The following FRMD4A variants were observed in gnomAD, a reference collection of about 807,000 sequenced individuals.
The protein encoded by FRMD4A is FERM domain containing 4A.
FRMD4A carries 29 observed loss-of-function variants against 129.1 expected under a neutral mutation model. That is an observed-to-expected ratio of 0.22 (90% confidence interval 0.17 to 0.31). The LOEUF is 0.31. Among genes scored for constraint, FRMD4A ranks in the 10% least tolerant of loss-of-function variants. The pLI, the probability that FRMD4A is intolerant of heterozygous loss-of-function variation, is 1.00. For missense variants in FRMD4A, 1,272 were observed against 1,375.8 expected, an observed-to-expected ratio of 0.92 and a Z score of 1.19; for synonymous variants, 634 against 571.6, an observed-to-expected ratio of 1.11 and a Z score of -1.56.
At chr10:13,724,996 A>G (rs1169797631) in intron 12 of FRMD4A, among the ~76,000 whole-genome samples, 1 of 152,190 alleles carries the variant, frequency 6.6e-6, no homozygotes, top group East Asian at 1.9e-4. Flanking sequence ...GGGGTTACCT[A>G]CTTAGAAACT....
intron 2 of FRMD4A, among the ~76,000 whole-genome samples, chr10:13,958,110 T>C (rs2095420914): frequency 6.6e-6 from 1 of 152,078 alleles, no homozygotes; most frequent in African/African-American, 2.4e-5. Context: ...TAGTTATCTC[T>C]TTCCTACTTA....
intron 2 of FRMD4A, chr10:14,326,780 C>A: frequency 2.5e-6 from 1 of 398,508 alleles, no homozygotes; most frequent in South Asian, 1.3e-4. Flanking sequence ...GACACGTAGC[C>A]AAGAGCTTCC....
At chr10:14,311,823 G>A (rs1373387838) in intron 2 of FRMD4A, among the ~76,000 whole-genome samples, 1 of 152,066 alleles carries the variant, frequency 6.6e-6, no homozygotes, top group Non-Finnish European at 1.5e-5. Context: ...AAACTATGTA[G>A]TTGAGCACTT....
chr10:13,924,506 G>A (rs1219459191), intron 2 of FRMD4A, among the ~76,000 whole-genome samples: 1 of 151,540 alleles, frequency 6.6e-6, no homozygotes, highest in African/African-American at 2.4e-5. Context: ...CCCCCAGATA[G>A]CATCTCTTGC....
intron 2 of FRMD4A, among the ~76,000 whole-genome samples, chr10:13,952,051 T>A (rs1287521167): frequency 1.3e-5 from 2 of 151,074 alleles, no homozygotes; most frequent in Non-Finnish European, 3.0e-5. Context: ...AAGGGGCTTG[T>A]TTCAGAGCCA....
intron 2 of FRMD4A, 65 bp downstream of exon 2, chr10:14,329,993 G>T: frequency 6.9e-7 from 1 of 1,446,922 alleles, no homozygotes; most frequent in Non-Finnish European, 9.5e-7. Context: ...GGCAGCAGCA[G>T]CCCACGGTGC....
At chr10:14,223,903 T>G (rs940754189) in intron 2 of FRMD4A, among the ~76,000 whole-genome samples, 1 of 152,116 alleles carries the variant, frequency 6.6e-6, no homozygotes, top group East Asian at 1.9e-4. Context: ...GATACTCCAT[T>G]TCTCTACCCT....
chr10:13,877,205 G>A (rs918411669), intron 2 of FRMD4A, among the ~76,000 whole-genome samples: 4 of 152,156 alleles, frequency 2.6e-5, no homozygotes, highest in African/African-American at 4.8e-5. Flanking sequence ...GTCTTTGGTG[G>A]CTCTTGACAT....
At chr10:14,296,953 A>G (rs1029540000) in intron 2 of FRMD4A, among the ~76,000 whole-genome samples, 2 of 152,190 alleles carry the variant, frequency 1.3e-5, no homozygotes, top group East Asian at 3.9e-4. Flanking sequence ...AGTAAATCAC[A>G]GAACTCTCCG....
intron 2 of FRMD4A, among the ~76,000 whole-genome samples, chr10:14,162,268 C>T (rs553478122): frequency 7.3e-4 from 111 of 152,250 alleles, no homozygotes; most frequent in Non-Finnish European, 1.4e-3. Flanking sequence ...TTCATTGGCC[C>T]CACCCAAGAA....
chr10:14,178,031 C>T (rs1003182994), intron 2 of FRMD4A, among the ~76,000 whole-genome samples: 1 of 152,164 alleles, frequency 6.6e-6, no homozygotes, highest in African/African-American at 2.4e-5. Flanking sequence ...TGATTTCATG[C>T]AGTAGTTCAC....
At chr10:13,840,703 G>T (rs190840262) in intron 3 of FRMD4A, among the ~76,000 whole-genome samples, 2 of 147,310 alleles carry the variant, frequency 1.4e-5, no homozygotes, top group East Asian at 4.0e-4. Flanking sequence ...CATGAGAATC[G>T]CTTGAACCCA....
chr10:14,220,615 G>A (rs1282566682), intron 2 of FRMD4A, among the ~76,000 whole-genome samples: 4 of 152,194 alleles, frequency 2.6e-5, no homozygotes, highest in African/African-American at 9.6e-5. Context: ...TATCTTGAAA[G>A]CTTTCTGATT....
At chr10:14,146,444 T>C (rs199602115) in intron 2 of FRMD4A, among the ~76,000 whole-genome samples, 1 of 152,212 alleles carries the variant, frequency 6.6e-6, no homozygotes, top group Non-Finnish European at 1.5e-5. Flanking sequence ...CATGACTTAA[T>C]GCACTACACA....
At chr10:14,075,786 A>G (rs1564265908) in intron 2 of FRMD4A, among the ~76,000 whole-genome samples, 1 of 152,226 alleles carries the variant, frequency 6.6e-6, no homozygotes, top group East Asian at 1.9e-4. Context: ...ACACACACAC[A>G]CATATATATA....
chr10:13,665,622 C>T (rs2082965235), intron 18 of FRMD4A, among the ~76,000 whole-genome samples: 1 of 152,144 alleles, frequency 6.6e-6, no homozygotes, highest in Non-Finnish European at 1.5e-5. Context: ...CCCCAAGCTT[C>T]AGCTCTTGGG....
At position 13,766,783 on chromosome 10, in the gene FRMD4A, CCTGAAAG is replaced by C. The variant is rs2092301933; in HGVS notation, c.385-4110_385-4104del. 2.0e-5 allele frequency among the ~76,000 whole-genome samples: 3 copies of C among 152,274 alleles called. No homozygotes were observed. The South Asian group carries it at 6.2e-4, about 32-fold the overall frequency. Reference sequence around the variant, plus strand: ...GAAAATTTCCCATGGTACTTCAAAACCTGAAAGCTGGCCGGGCACAGTGGTTTAAGCT... The same window carrying C: ...GAAAATTTCCCATGGTACTTCAAAACCTGGCCGGGCACAGTGGTTTAAGCT... On this transcript the variant is annotated intron_variant, in intron 6 of 24. Transcript: ENST00000357447.
At chr10:13,699,097 C>G (rs1176243730) in intron 14 of FRMD4A, among the ~76,000 whole-genome samples, 3 of 146,604 alleles carry the variant, frequency 2.0e-5, no homozygotes, top group Admixed American at 1.4e-4. Context: ...ACTCTGTCAA[C>G]CACGCTGGAG....
chr10:14,150,515 C>G (rs1239447390), intron 2 of FRMD4A, among the ~76,000 whole-genome samples: 4 of 152,148 alleles, frequency 2.6e-5, no homozygotes, highest in Non-Finnish European at 4.4e-5. Context: ...GCCAATGGAT[C>G]TGCTTGTACT....
Sources: allele counts gnomAD v4.1 joint callset (sites outside exome capture counted in the v4.1 genomes callset), GRCh38; gene constraint gnomAD v4.1.1; transcripts MANE v1.5; gene names NCBI Gene and HGNC (gene_info 2026-07-23, HGNC 2026-07-21).